Variants in PADI4 observed in about 807,000 individuals in gnomAD.
PADI4 encodes protein-arginine deiminase type-4.
Under a neutral mutation model 75.0 loss-of-function variants are expected in PADI4, and 62 were observed. The observed-to-expected ratio is 0.83, with a 90% confidence interval of 0.67 to 1.02. The LOEUF (loss-of-function observed/expected upper bound fraction) is 1.02. Among genes scored for constraint, PADI4 ranks in the 50% least tolerant of loss-of-function variants. The pLI is 0.00. For synonymous variants in PADI4, 361 were observed against 348.1 expected, an observed-to-expected ratio of 1.04 and a Z score of -0.41; for missense variants, 845 against 850.5, an observed-to-expected ratio of 0.99 and a Z score of 0.08.
intron 1 of PADI4, among the ~76,000 whole-genome samples, chr1:17,325,380 T>C (rs2074101689): frequency 6.6e-6 from 1 of 152,160 alleles, no homozygotes; most frequent in African/African-American, 2.4e-5. Context: ...AAAAATTGTT[T>C]TCTTCTTAAA....
intron 1 of PADI4, among the ~76,000 whole-genome samples, chr1:17,314,765 G>T (rs1375537260): frequency 6.6e-6 from 1 of 152,196 alleles, no homozygotes; most frequent in Non-Finnish European, 1.5e-5. Flanking sequence ...CGTTTCCCCG[G>T]GGCAGCTGAA....
intron 1 of PADI4, among the ~76,000 whole-genome samples, chr1:17,309,132 C>T (rs1339339177): frequency 2.3e-5 from 3 of 128,220 alleles, no homozygotes; most frequent in Non-Finnish European, 4.8e-5. Context: ...TAAGCAAAAA[C>T]TCAGTTCTAT....
At chr1:17,309,175 A>AGG (rs774065150) in intron 1 of PADI4, among the ~76,000 whole-genome samples, 130,591 of 142,878 alleles carry the variant, frequency 0.91, 60,517 homozygotes, top group East Asian at 1. Context: ...TTCCCTGGAA[A>AGG]AAAAAAAAAA....
At chr1:17,312,733 G>A (rs2073859782) in intron 1 of PADI4, among the ~76,000 whole-genome samples, 1 of 152,154 alleles carries the variant, frequency 6.6e-6, no homozygotes, top group African/African-American at 2.4e-5. Context: ...TTTGTTCCAT[G>A]CCTGTGAAGA....
chr1:17,333,352 C>T (rs1186319515), intron 2 of PADI4, among the ~76,000 whole-genome samples: 1 of 152,008 alleles, frequency 6.6e-6, no homozygotes, highest in Non-Finnish European at 1.5e-5. Flanking sequence ...TTGGAAACTC[C>T]CCACCGCCAT....
chr1:17,316,984 C>T lies in PADI4; in HGVS notation c.92+8670C>T, dbSNP rs555475406. On this transcript the variant is annotated intron_variant, in intron 1 of 15. Coordinates refer to ENST00000375448, the MANE Select transcript of PADI4 (RefSeq NM_012387.3). ...AGCCGATGAGACAGTGTGTGTAGAA[C>T]GCCAGGCTCACAGTAGCTCTCAACA... is the stretch of plus-strand genomic sequence containing the variant. 1.6e-4 allele frequency among the ~76,000 whole-genome samples: 25 copies of T among 152,230 alleles called. No homozygotes were observed. The East Asian group carries it at 1.9e-3, about 12-fold the overall frequency.
At chr1:17,337,471 C>G (rs1378853114) in intron 4 of PADI4, among the ~76,000 whole-genome samples, 2 of 151,832 alleles carry the variant, frequency 1.3e-5, no homozygotes, top group Non-Finnish European at 2.9e-5. Context: ...CTGTTAAAAT[C>G]CATGTGACTG....
intron 3 of PADI4, among the ~76,000 whole-genome samples, chr1:17,335,032 A>G (rs2074285721): frequency 6.6e-6 from 1 of 152,084 alleles, no homozygotes; most frequent in African/African-American, 2.4e-5. Flanking sequence ...AGTCCCAGCT[A>G]CTCAAGAGGC....
chr1:17,309,565 T>A (rs2073764633), intron 1 of PADI4, among the ~76,000 whole-genome samples: 1 of 152,208 alleles, frequency 6.6e-6, no homozygotes, highest in Admixed American at 6.5e-5. Flanking sequence ...TCTCTCTGAT[T>A]CCTAAATTAT....
At chr1:17,343,234 A>AAATTT (rs2074455316) in intron 8 of PADI4, among the ~76,000 whole-genome samples, 1 of 152,156 alleles carries the variant, frequency 6.6e-6, no homozygotes. Flanking sequence ...AAATTAAATT[A>AAATTT]AATTTAAATT....
chr1:17,347,882 G>A lies in PADI4; in HGVS notation c.1048-59G>A, dbSNP rs1452707052. On this transcript the variant is annotated intron_variant, in intron 9 of 15. Coordinates refer to ENST00000375448, the MANE Select transcript of PADI4 (RefSeq NM_012387.3). ...GATGGTTTCATGCCCCCATCCTGGC[G>A]TCGGGCACCAAGACCCAGGCAGCAC... 7.9e-5 allele frequency: 71 copies of A among 899,024 alleles called. 1 individual carries two copies. The highest frequency in any genetic ancestry group is 1.8e-4 in the South Asian group (10 of 56,614). 55.7% of individuals were successfully genotyped at this position (899,024 alleles called of 1,614,324 possible).
At position 17,353,581 on chromosome 1, in the gene PADI4, G is replaced by C. The variant is rs540086604; in HGVS notation, c.1156-952G>C. On this transcript the variant is annotated intron_variant, in intron 10 of 15. Coordinates refer to ENST00000375448, the MANE Select transcript of PADI4 (RefSeq NM_012387.3). ...AGAAGGCTAGATGTACCCTCTCCTG[G>C]GAGGCAGGGGAGATGGGCGGTGGAC... Among the ~76,000 whole-genome samples the C allele has an allele frequency of 4.7e-4, 71 of 152,244 alleles. 1 individual carries two copies. The highest frequency in any genetic ancestry group is 1.7e-3 in the African/African-American group (71 of 41,534).
rs2074308715 is a variant in PADI4 at position 17,336,230 on chromosome 1, C to T, written c.408+4C>T. The T allele has an allele frequency of 2.5e-6, 4 of 1,611,408 alleles. No individual in the cohort carries two copies. Among genetic ancestry groups the T allele is most frequent in the Admixed American group, 1.7e-5 (1 of 59,974 alleles). On this transcript the variant is annotated splice_donor_region_variant and intron_variant, in intron 4 of 15. Transcript: ENST00000375448. ...AACCAGAGCTGTGAAAGATCAGGTA[C>T]CACTCACCCAAACGCTCCTTTCCTA... is the stretch of plus-strand genomic sequence containing the variant.
intron 8 of PADI4, among the ~76,000 whole-genome samples, chr1:17,344,884 A>T (rs2074487703): frequency 6.6e-6 from 1 of 152,232 alleles, no homozygotes; most frequent in Non-Finnish European, 1.5e-5. Flanking sequence ...TGGAGCCCCC[A>T]CACAGAGTCC....
At chr1:17,363,036 C>T (rs912962974) in intron 15 of PADI4, among the ~76,000 whole-genome samples, 6 of 152,090 alleles carry the variant, frequency 3.9e-5, no homozygotes, top group Admixed American at 1.3e-4. Context: ...AAGCTGGTCT[C>T]GAGCTCCTGA....
chr1:17,351,878 A>G (rs1222624182), intron 10 of PADI4, among the ~76,000 whole-genome samples: 4 of 141,168 alleles, frequency 2.8e-5, no homozygotes, highest in East Asian at 2.0e-4. Context: ...GAGAGGAGAT[A>G]GGAGGTGGTA....
chr1:17,341,271 T>C (rs1315656489), intron 6 of PADI4, among the ~76,000 whole-genome samples: 1 of 152,110 alleles, frequency 6.6e-6, no homozygotes, highest in Non-Finnish European at 1.5e-5. Context: ...GCTAATTTTT[T>C]TGTGTTTTTA....
At chr1:17,362,590 T>C (rs1312825082) in intron 15 of PADI4, among the ~76,000 whole-genome samples, 1 of 152,048 alleles carries the variant, frequency 6.6e-6, no homozygotes, top group African/African-American at 2.4e-5. Flanking sequence ...TCGGGTACGA[T>C]GTTCATTGTT....
chr1:17,341,689 C>A lies in PADI4; in HGVS notation c.653-254C>A, dbSNP rs530464228. 2.0e-5 allele frequency among the ~76,000 whole-genome samples: 3 copies of A among 152,314 alleles called. No homozygotes were observed. The East Asian group carries it at 5.8e-4, about 29-fold the overall frequency. ...GGAATGAGTGAAGGAATGGTGTATA[C>A]TGGACTTCCTATAAAGTTTGGAATA... On this transcript the variant is annotated intron_variant, in intron 6 of 15. Transcript: ENST00000375448.
Sources: allele counts gnomAD v4.1 joint callset (sites outside exome capture counted in the v4.1 genomes callset), GRCh38; gene constraint gnomAD v4.1.1; transcripts MANE v1.5; gene names NCBI Gene and HGNC (gene_info 2026-07-23, HGNC 2026-07-21).